The following CNOT9 variants were observed in gnomAD, a reference collection of about 807,000 sequenced individuals.
The protein encoded by CNOT9 is CCR4-NOT transcription complex subunit 9.
A neutral mutation model predicts 37.4 loss-of-function variants in CNOT9; 8 were observed. The ratio of observed to expected loss-of-function variants is 0.21; its 90% CI spans 0.13 to 0.39. CNOT9 has a LOEUF of 0.39. CNOT9 is among the 10% of genes least tolerant of loss of function. The pLI is 1.00. For missense variants in CNOT9, 154 were observed against 365.3 expected, an observed-to-expected ratio of 0.42 and a Z score of 4.71; for synonymous variants, 120 against 137.6, an observed-to-expected ratio of 0.87 and a Z score of 0.90.
At chr2:218,575,680 G>A (rs1054970473) in intron 1 of CNOT9, among the ~76,000 whole-genome samples, 1 of 152,146 alleles carries the variant, frequency 6.6e-6, no homozygotes, top group African/African-American at 2.4e-5. Flanking sequence ...TGGGATTACA[G>A]GCGTGAGCCA....
intron 2 of CNOT9, among the ~76,000 whole-genome samples, chr2:218,581,674 A>T (rs1694382962): frequency 6.6e-6 from 1 of 152,214 alleles, no homozygotes; most frequent in Non-Finnish European, 1.5e-5. Context: ...TAACAATTAG[A>T]TTAACTTTTC....
chr2:218,591,858 A>C (rs1333339572), intron 5 of CNOT9, among the ~76,000 whole-genome samples: 1 of 152,236 alleles, frequency 6.6e-6, no homozygotes, highest in Non-Finnish European at 1.5e-5. Flanking sequence ...TAGATATTCA[A>C]ATGAGGCTTG....
chr2:218,584,811 C>A, intron 4 of CNOT9, 90 bp downstream of exon 4: 1 of 887,282 alleles, frequency 1.1e-6, no homozygotes, highest in Non-Finnish European at 1.9e-6. Flanking sequence ...GATTTTTGTA[C>A]ACCAGTCATT....
In CNOT9 at chr2:218,595,434, A is replaced by ATTTTC. The variant is rs1694902248; in HGVS notation, c.*1158_*1159insTTTTC. ...TTTTTTTTTTTTTTTTTTTTTTTTGACCATTCTCTTTTAGTCTATGGGAAT... is the reference window on the plus strand; with the variant it reads ...TTTTTTTTTTTTTTTTTTTTTTTTGATTTTCCCATTCTCTTTTAGTCTATGGGAAT... On this transcript the variant is annotated 3_prime_UTR_variant, in exon 8 of 8. Coordinates refer to ENST00000273064, the MANE Select transcript of CNOT9 (RefSeq NM_005444.3). The ATTTTC allele has an allele frequency of 5.2e-5, 1 of 19,060 alleles. No individual in the cohort carries two copies. The highest frequency in any genetic ancestry group is 5.3e-4 in the Admixed American group (1 of 1,872). The allele number at this position is 19,060 out of a possible 1,614,324, so 1.2% of individuals were successfully genotyped here. A position where few individuals can be genotyped will look rare whatever the true frequency, so the allele number is the denominator to read the frequency against.
chr2:218,571,958 TC>T (rs1694011999), intron 1 of CNOT9, among the ~76,000 whole-genome samples: 2 of 152,084 alleles, frequency 1.3e-5, no homozygotes, highest in Non-Finnish European at 1.5e-5. Flanking sequence ...GAGCATAATT[TC>T]TTTTTTCTCT....
At chr2:218,583,271 CTCTCTCTCTCTCTCT>C (rs2106089840) in intron 3 of CNOT9, among the ~76,000 whole-genome samples, 185 bp downstream of exon 3, 1 of 123,928 alleles carries the variant, frequency 8.1e-6, no homozygotes, top group African/African-American at 3.5e-5. Flanking sequence ...CTCTCTCTCT[CTCTCTCTCTCTCTCT>C]CCTGGTCTTC....
chr2:218,579,643 C>T (rs376487282), intron 1 of CNOT9, among the ~76,000 whole-genome samples: 13 of 152,054 alleles, frequency 8.5e-5, no homozygotes, highest in South Asian at 6.2e-4. Context: ...CCTGCCACCA[C>T]GCCCAGCTAA....
intron 1 of CNOT9, among the ~76,000 whole-genome samples, chr2:218,575,363 ATTTTCTT>A (rs1694130408): frequency 7.2e-6 from 1 of 139,676 alleles, no homozygotes; most frequent in Non-Finnish European, 1.6e-5. Flanking sequence ...AAGATCCACA[ATTTTCTT>A]TTTTCTTTTC....
intron 7 of CNOT9, chr2:218,593,200 T>C (rs1202907018): frequency 3.9e-6 from 1 of 253,648 alleles, no homozygotes; most frequent in Admixed American, 4.8e-5. Context: ...TAGAAATGTT[T>C]GACCTTTTGC....
In CNOT9 at chr2:218,596,466, G is replaced by A. The variant is rs923766199; in HGVS notation, c.*2190G>A. The A allele has an allele frequency of 6.6e-6, 1 of 152,088 alleles. No homozygotes were observed. Among genetic ancestry groups the A allele is most frequent in the Non-Finnish European group, 1.5e-5 (1 of 68,040 alleles). 9.4% of individuals were successfully genotyped at this position (152,088 alleles called of 1,614,324 possible). On this transcript the variant is annotated 3_prime_UTR_variant, in exon 8 of 8. Coordinates refer to ENST00000273064, the MANE Select transcript of CNOT9 (RefSeq NM_005444.3). ...TTACACTGGAGATTTTATTCTATCA[G>A]TATATGGGTAACTAGGCACTTTGGT...
At chr2:218,581,097 G>A (rs1050843591) in intron 2 of CNOT9, 23 of 456,320 alleles carry the variant, frequency 5.0e-5, no homozygotes, top group Admixed American at 1.4e-4. Flanking sequence ...GTGGAAAGTA[G>A]AGTATAAGGA....
intron 1 of CNOT9, among the ~76,000 whole-genome samples, chr2:218,576,095 A>C (rs1447039665): frequency 6.6e-6 from 1 of 152,134 alleles, no homozygotes; most frequent in African/African-American, 2.4e-5. Context: ...CAACAGAACT[A>C]ACTCTTCCCT....
At chr2:218,582,277 A>G (rs1281136147) in intron 2 of CNOT9, among the ~76,000 whole-genome samples, 1 of 152,214 alleles carries the variant, frequency 6.6e-6, no homozygotes, top group Admixed American at 6.5e-5. Context: ...CAGTGATCTC[A>G]TCACTGTAAC....
intron 5 of CNOT9, among the ~76,000 whole-genome samples, chr2:218,588,119 C>T (rs768366403): frequency 2.6e-4 from 40 of 152,144 alleles, no homozygotes; most frequent in Non-Finnish European, 4.1e-4. Context: ...CCTCATTGTT[C>T]TGTCTCAGAC....
At chr2:218,569,048 A>T in intron 1 of CNOT9, 70 bp downstream of exon 1, 1 of 1,554,508 alleles carries the variant, frequency 6.4e-7, no homozygotes, top group South Asian at 1.1e-5. Context: ...CTTCTCTCCT[A>T]ATTCCCGGTG....
chr2:218,579,019 A>G (rs948044194), intron 1 of CNOT9, among the ~76,000 whole-genome samples: 1 of 152,182 alleles, frequency 6.6e-6, no homozygotes, highest in Non-Finnish European at 1.5e-5. Context: ...ATTAAGAGGG[A>G]GAGCTTTTCC....
At chr2:218,571,939 G>A (rs527919019) in intron 1 of CNOT9, among the ~76,000 whole-genome samples, 151 of 151,786 alleles carry the variant, frequency 9.9e-4, no homozygotes, top group African/African-American at 3.6e-3. Flanking sequence ...ATTCATTACC[G>A]CTACCATTGA....
chr2:218,569,544 C>T (rs1284111178), intron 1 of CNOT9, among the ~76,000 whole-genome samples: 2 of 152,208 alleles, frequency 1.3e-5, no homozygotes, highest in African/African-American at 4.8e-5. Context: ...TAGTGTAATT[C>T]AGCTATCCGA....
At chr2:218,581,927 C>T (rs540099252) in intron 2 of CNOT9, among the ~76,000 whole-genome samples, 15 of 151,894 alleles carry the variant, frequency 9.9e-5, no homozygotes, top group African/African-American at 3.6e-4. Context: ...ACAAAAAATA[C>T]AAAAATTAGC....
Sources: gnomAD v4.1 joint callset for allele counts (sites outside exome capture counted in the v4.1 genomes callset) on GRCh38, gnomAD v4.1.1 for gene constraint, MANE v1.5 for transcripts, NCBI Gene and HGNC (gene_info 2026-07-23, HGNC 2026-07-21) for gene names.